The following AGBL1 variants were observed in gnomAD, a reference collection of about 807,000 sequenced individuals.
The protein encoded by AGBL1 is cytosolic carboxypeptidase 4.
In AGBL1, 130 loss-of-function variants were observed where a neutral mutation model predicts 118.9. The ratio of observed to expected loss-of-function variants is 1.09; its 90% confidence interval spans 0.95 to 1.26. The LOEUF (loss-of-function observed/expected upper bound fraction) is 1.26, where lower values mean the gene tolerates loss of function less well. AGBL1 is among the 50% of genes most tolerant of loss of function. The pLI is 0.00. For missense variants in AGBL1, 1,584 were observed against 1,298.1 expected, an observed-to-expected ratio of 1.22 and a Z score of -3.38; for synonymous variants, 555 against 478.9, an observed-to-expected ratio of 1.16 and a Z score of -2.08.
intron 1 of AGBL1, chr15:86,107,509 G>T (rs1488749790): frequency 6.6e-6 from 1 of 152,200 alleles, no homozygotes; most frequent in African/African-American, 2.4e-5. Flanking sequence ...GTCTTGGCAT[G>T]CCCTAGGTGC....
In AGBL1 at chr15:86,692,609, AT is replaced by A. The variant is rs1041536009; in HGVS notation, c.3158+18182del. On this transcript the variant is annotated intron_variant, in intron 22 of 22. Transcript: ENST00000614907. The stretch of plus-strand genomic sequence containing the variant: ...CTAACTTACTAAATTCTTCTTTCAA[AT>A]TTTTTTTTATTTCCATTGATTTTGG... 4.0e-5 allele frequency among the ~76,000 whole-genome samples: 6 copies of A among 151,828 alleles called. No individual in the cohort carries two copies. The South Asian group carries it at 8.3e-4, about 21-fold the overall frequency.
At chr15:86,853,781 A>G (rs546816152) in intron 22 of AGBL1, among the ~76,000 whole-genome samples, 8 of 152,282 alleles carry the variant, frequency 5.3e-5, no homozygotes, top group African/African-American at 1.9e-4. Flanking sequence ...CTGGCTTTTA[A>G]AGAACATCGG....
chr15:86,208,158 C>T (rs1381685184), intron 5 of AGBL1, among the ~76,000 whole-genome samples: 2 of 152,134 alleles, frequency 1.3e-5, no homozygotes, highest in Non-Finnish European at 2.9e-5. Context: ...CCTTGCATCC[C>T]AGGAATGAAG....
chr15:86,954,205 A>G (rs1211812558), intron 23 of AGBL1, among the ~76,000 whole-genome samples: 1 of 152,200 alleles, frequency 6.6e-6, no homozygotes, highest in East Asian at 1.9e-4. Context: ...TAAGGATGGA[A>G]ATTAGTTCAA....
At chr15:86,256,666 G>A (rs755098574) in intron 7 of AGBL1, among the ~76,000 whole-genome samples, 187 bp from the exon 8 acceptor site, 10 of 152,244 alleles carry the variant, frequency 6.6e-5, no homozygotes, top group Non-Finnish European at 1.3e-4. Flanking sequence ...AAAATTCTAT[G>A]TTGGAATGTT....
rs148810020 is a variant in AGBL1 at position 86,197,279 on chromosome 15, G to A, written c.489-27635G>A. ...GGACATTAAAGGCAATTCTGGTGAG[G>A]ACTGAAAAAGGAAAGAGGAGAGACG... On this transcript the variant is annotated intron_variant, in intron 5 of 22. Coordinates refer to ENST00000614907, the MANE Select transcript of AGBL1 (RefSeq NM_001386094.1). 5.4e-3 allele frequency among the ~76,000 whole-genome samples: 830 copies of A among 152,300 alleles called. 4 individuals carry two copies. Among genetic ancestry groups the A allele is most frequent in the African/African-American group, 0.013 (532 of 41,560 alleles).
intron 22 of AGBL1, among the ~76,000 whole-genome samples, chr15:86,804,050 G>GA (rs1029525224): frequency 6.6e-5 from 10 of 152,002 alleles, no homozygotes; most frequent in African/African-American, 2.4e-4. Flanking sequence ...AAAGAGACAT[G>GA]AAAAAAACCA....
At chr15:86,617,086 C>G (rs1402116010) in intron 21 of AGBL1, among the ~76,000 whole-genome samples, 1 of 152,166 alleles carries the variant, frequency 6.6e-6, no homozygotes, top group African/African-American at 2.4e-5. Flanking sequence ...ATCTATTCCT[C>G]AAGTCCCTTC....
intron 1 of AGBL1, among the ~76,000 whole-genome samples, chr15:86,117,641 TGCACAAGAGG>T (rs1274610369): frequency 6.6e-6 from 1 of 152,236 alleles, no homozygotes; most frequent in African/African-American, 2.4e-5. Context: ...ACTTCACGTG[TGCACAAGAGG>T]TATTCAAAAC....
chr15:86,565,665 C>A (rs1293935694), intron 21 of AGBL1, among the ~76,000 whole-genome samples: 1 of 152,376 alleles, frequency 6.6e-6, no homozygotes, highest in South Asian at 2.1e-4. Context: ...TGCTGTCAGA[C>A]AGGGACATTT....
At chr15:86,290,997 A>G (rs1376004238) in intron 16 of AGBL1, among the ~76,000 whole-genome samples, 1 of 152,198 alleles carries the variant, frequency 6.6e-6, no homozygotes, top group Non-Finnish European at 1.5e-5. Context: ...AATTTCATCC[A>G]TATCCCTACA....
rs117159456 is a variant in AGBL1 at position 86,277,229 on chromosome 15, G to C, written c.2076-2410G>C. On this transcript the variant is annotated intron_variant, in intron 15 of 22. Coordinates refer to ENST00000614907, the MANE Select transcript of AGBL1 (RefSeq NM_001386094.1). Reference sequence around the variant, plus strand: ...TTGTTGGTGGGGAGCCTTTAGTCTTGCTCGGGAGAATCTAATATCACCAAG... The same window carrying C: ...TTGTTGGTGGGGAGCCTTTAGTCTTCCTCGGGAGAATCTAATATCACCAAG... Among the ~76,000 whole-genome samples, 586 of 148,534 alleles carry C rather than the reference G, an allele frequency of 3.9e-3. 2 individuals carry two copies. The highest frequency in any genetic ancestry group is 5.8e-3 in the Non-Finnish European group (393 of 67,674).
At chr15:86,225,182 A>C (rs922863867) in intron 6 of AGBL1, among the ~76,000 whole-genome samples, 1 of 152,080 alleles carries the variant, frequency 6.6e-6, no homozygotes, top group Non-Finnish European at 1.5e-5. Flanking sequence ...AGAGAAAATA[A>C]ATATTATCCA....
intron 6 of AGBL1, among the ~76,000 whole-genome samples, chr15:86,240,338 CTACTT>C (rs2078621752): frequency 6.6e-6 from 1 of 152,180 alleles, no homozygotes; most frequent in African/African-American, 2.4e-5. Flanking sequence ...TTAGTAGAGA[CTACTT>C]TATCCAGAAA....
intron 5 of AGBL1, among the ~76,000 whole-genome samples, chr15:86,165,675 T>A (rs1391354616): frequency 2.0e-5 from 3 of 152,150 alleles, no homozygotes; most frequent in African/African-American, 7.2e-5. Context: ...CCATTCAACA[T>A]TAGAGTCTGT....
chr15:86,882,525 T>C (rs987340524), intron 22 of AGBL1, among the ~76,000 whole-genome samples: 12 of 152,198 alleles, frequency 7.9e-5, no homozygotes, highest in African/African-American at 2.9e-4. Context: ...ACTCACCTTT[T>C]TAAGCTTCAC....
At chr15:86,818,246 A>C (rs1441280675) in intron 22 of AGBL1, among the ~76,000 whole-genome samples, 2 of 152,304 alleles carry the variant, frequency 1.3e-5, no homozygotes, top group Non-Finnish European at 1.5e-5. Flanking sequence ...GATATTTGTT[A>C]CGGCAGCTCT....
chr15:86,921,152 G>A (rs187433211), downstream of AGBL1, among the ~76,000 whole-genome samples: 50 of 152,302 alleles, frequency 3.3e-4, no homozygotes, highest in African/African-American at 3.8e-4. Context: ...GGGACATTTC[G>A]AAGTAGGTCG....
At chr15:86,375,243 G>C (rs190699618) in intron 17 of AGBL1, among the ~76,000 whole-genome samples, 1 of 152,186 alleles carries the variant, frequency 6.6e-6, no homozygotes, top group Admixed American at 6.5e-5. Flanking sequence ...ATTTCCACTC[G>C]GCTGGCAAGG....
Sources: allele counts gnomAD v4.1 joint callset (sites outside exome capture counted in the v4.1 genomes callset), GRCh38; gene constraint gnomAD v4.1.1; transcripts MANE v1.5; gene names NCBI Gene and HGNC (gene_info 2026-07-23, HGNC 2026-07-21).